Variants in DNAJC5 observed in about 807,000 individuals in gnomAD.
The protein encoded by DNAJC5 is DnaJ heat shock protein family (Hsp40) member C5.
Under a neutral mutation model 23.2 loss-of-function variants are expected in DNAJC5, and 1 was observed. The ratio of observed to expected loss-of-function variants is 0.04; its 90% CI spans 0.02 to 0.20. DNAJC5 has a LOEUF of 0.20. Among genes scored for constraint, DNAJC5 ranks in the 10% least tolerant of loss-of-function variants. The pLI, the probability that DNAJC5 is intolerant of heterozygous loss-of-function variation, is 1.00. For missense variants in DNAJC5, 180 were observed against 267.0 expected (o/e 0.67, Z 2.27); for synonymous variants, 136 against 120.0 (o/e 1.13, Z -0.87).
intron 1 of DNAJC5, among the ~76,000 whole-genome samples, chr20:63,922,048 G>C (rs2053577821): frequency 6.6e-6 from 1 of 152,010 alleles, no homozygotes; most frequent in Non-Finnish European, 1.5e-5. Flanking sequence ...CAAAGTGCTG[G>C]AATTACAGGC....
At chr20:63,902,095 C>T (rs1380931514) in intron 1 of DNAJC5, among the ~76,000 whole-genome samples, 2 of 151,916 alleles carry the variant, frequency 1.3e-5, no homozygotes, top group Non-Finnish European at 1.5e-5. Context: ...TGTGCTGTCG[C>T]CCAGGCTGGA....
Position 63,920,174 on chromosome 20 carries a change from G to A in DNAJC5, c.-11-8161G>A, listed in dbSNP as rs1349599424. 2.0e-5 allele frequency among the ~76,000 whole-genome samples: 3 copies of A among 152,244 alleles called. No homozygotes were observed. Among genetic ancestry groups the A allele is most frequent in the Non-Finnish European group, 4.4e-5 (3 of 68,038 alleles). On this transcript the variant is annotated intron_variant, in intron 1 of 4. Transcript: ENST00000360864. The surrounding 1 kb of genome is among the most constrained non-coding windows in gnomAD (Gnocchi z 4.6). ...GCCACGGAAGAGGACGCACCCGGCT[G>A]TGTGGCAGGGGAGGTTCCCAAGAGC...
At chr20:63,916,394 C>A (rs6062584) in intron 1 of DNAJC5, among the ~76,000 whole-genome samples, 1 of 152,086 alleles carries the variant, frequency 6.6e-6, no homozygotes, top group South Asian at 2.1e-4. Flanking sequence ...GGTAGGGCCG[C>A]GATGCCCGCC....
chr20:63,900,418 A>G (rs1245802387), intron 1 of DNAJC5, among the ~76,000 whole-genome samples: 1 of 151,734 alleles, frequency 6.6e-6, no homozygotes, highest in Non-Finnish European at 1.5e-5. Flanking sequence ...CTGTACTAAA[A>G]CTAGAAACAA....
chr20:63,895,586 T>TG (rs2053369236), intron 1 of DNAJC5, among the ~76,000 whole-genome samples: 3 of 150,200 alleles, frequency 2.0e-5, no homozygotes, highest in Admixed American at 2.0e-4. Flanking sequence ...TGGTGGGGGC[T>TG]GGGGCGGCGC....
chr20:63,898,842 CAACA>C (rs922171691), intron 1 of DNAJC5, among the ~76,000 whole-genome samples: 10 of 152,060 alleles, frequency 6.6e-5, no homozygotes, highest in Non-Finnish European at 1.0e-4. Flanking sequence ...CTCCCTCTCA[CAACA>C]AACAAACAAA....
At chr20:63,930,060 C>T (rs938129800) in intron 3 of DNAJC5, among the ~76,000 whole-genome samples, 4 of 152,224 alleles carry the variant, frequency 2.6e-5, no homozygotes, top group African/African-American at 9.6e-5. Context: ...TTCGTTTCCT[C>T]GTTTTGTTCC....
At chr20:63,911,938 A>G (rs991980099) in intron 1 of DNAJC5, among the ~76,000 whole-genome samples, 1 of 152,020 alleles carries the variant, frequency 6.6e-6, no homozygotes, top group Admixed American at 6.6e-5. Flanking sequence ...TCAGCCTTCC[A>G]AAGTGTTGGG....
At chr20:63,904,641 T>C (rs2053435455) in intron 1 of DNAJC5, among the ~76,000 whole-genome samples, 1 of 152,152 alleles carries the variant, frequency 6.6e-6, no homozygotes, top group East Asian at 1.9e-4. Context: ...ATAGGCAAAG[T>C]TGTGCTAATG....
intron 1 of DNAJC5, among the ~76,000 whole-genome samples, chr20:63,901,620 G>T (rs901441909): frequency 2.0e-5 from 3 of 152,244 alleles, no homozygotes; most frequent in Non-Finnish European, 4.4e-5. Context: ...GGTGCCTGAC[G>T]GGAGGAGTGA....
chr20:63,918,006 C>T lies in DNAJC5; in HGVS notation c.-11-10329C>T, dbSNP rs142492765. On this transcript the variant is annotated intron_variant, in intron 1 of 4. Transcript: ENST00000360864. Reference sequence around the variant, plus strand: ...GCTCACGGTAGCTGCATCAGCTTCACGCTGTCCGCCCTTCGCCACCCACCG... The same window carrying T: ...GCTCACGGTAGCTGCATCAGCTTCATGCTGTCCGCCCTTCGCCACCCACCG... Among the ~76,000 whole-genome samples the T allele has an allele frequency of 9.4e-3, 1,426 of 152,322 alleles. 7 individuals are homozygous for T. The highest frequency in any genetic ancestry group is 0.016 in the Non-Finnish European group (1,094 of 68,034).
At chr20:63,927,073 C>G (rs964830885) in intron 1 of DNAJC5, among the ~76,000 whole-genome samples, 1 of 152,156 alleles carries the variant, frequency 6.6e-6, no homozygotes, top group African/African-American at 2.4e-5. Context: ...TGACCTCATT[C>G]CATTACGTTT....
intron 1 of DNAJC5, chr20:63,919,407 C>T (rs1191908699): frequency 8.2e-6 from 4 of 490,674 alleles, no homozygotes; most frequent in African/African-American, 7.9e-5. Context: ...GACATGTGCC[C>T]AGGGCCCAGG....
At chr20:63,901,453 T>C (rs1007595132) in intron 1 of DNAJC5, among the ~76,000 whole-genome samples, 1 of 152,230 alleles carries the variant, frequency 6.6e-6, no homozygotes, top group African/African-American at 2.4e-5. Context: ...AAATGTGTTC[T>C]AGTGAAACTG....
intron 1 of DNAJC5, among the ~76,000 whole-genome samples, chr20:63,924,053 C>T (rs892403989): frequency 1.3e-5 from 2 of 152,008 alleles, no homozygotes; most frequent in South Asian, 2.1e-4. Context: ...GTGTCTTTTC[C>T]TCAGTACCAG....
chr20:63,931,174 G>A lies in DNAJC5; in HGVS notation c.493+152G>A. 1.1e-6 allele frequency: 1 copy of A among 899,412 alleles called. No homozygotes were observed. Among genetic ancestry groups the A allele is most frequent in the Non-Finnish European group, 1.8e-6 (1 of 565,628 alleles). The allele number at this position is 899,412 out of a possible 1,614,324, so 55.7% of individuals were successfully genotyped here. On this transcript the variant is annotated intron_variant, in intron 4 of 4. Coordinates refer to ENST00000360864, the MANE Select transcript of DNAJC5 (RefSeq NM_025219.3). The surrounding 1 kb of genome is among the most constrained non-coding windows in gnomAD (Gnocchi z 9.6). ...CTGGGACTGTTGAGGTGTGAACGTGGACCCTGAGGTAAAGCAGGCGCATAG... is the reference window on the plus strand; with the variant it reads ...CTGGGACTGTTGAGGTGTGAACGTGAACCCTGAGGTAAAGCAGGCGCATAG...
intron 1 of DNAJC5, among the ~76,000 whole-genome samples, chr20:63,925,261 G>A (rs539562604): frequency 1.8e-4 from 28 of 152,260 alleles, no homozygotes; most frequent in Non-Finnish European, 3.4e-4. Context: ...TGAGGCAGAC[G>A]GATCACAAGG....
intron 1 of DNAJC5, among the ~76,000 whole-genome samples, chr20:63,903,453 A>G (rs936236052): frequency 3.3e-5 from 5 of 152,068 alleles, no homozygotes; most frequent in African/African-American, 1.2e-4. Flanking sequence ...GACTACAGGC[A>G]TGCGCCACTA....
At chr20:63,919,436 A>ACGCAC in intron 1 of DNAJC5, 1 of 486,902 alleles carries the variant, frequency 2.1e-6, no homozygotes, top group Non-Finnish European at 4.1e-6. Flanking sequence ...ACGGAAGAGG[A>ACGCAC]CACACCCGGC....
Sources: allele counts gnomAD v4.1 joint callset (sites outside exome capture counted in the v4.1 genomes callset), GRCh38; gene constraint gnomAD v4.1.1; non-coding constraint Gnocchi (gnomAD v3.1); transcripts MANE v1.5; gene names NCBI Gene and HGNC (gene_info 2026-07-23, HGNC 2026-07-21).